The following SLC5A10 variants were observed in gnomAD, a reference collection of about 807,000 sequenced individuals.
SLC5A10 encodes solute carrier family 5 member 10, also known as sodium/mannose cotransporter SLC5A10.
Under a neutral mutation model 68.9 loss-of-function variants are expected in SLC5A10, and 55 were observed. That is an observed-to-expected ratio of 0.80 (90% CI 0.64 to 1.00). The LOEUF is 1.00. Among genes scored for constraint, SLC5A10 ranks in the 50% least tolerant of loss-of-function variants. SLC5A10 has a pLI of 0.00. For missense variants in SLC5A10, 732 were observed against 819.3 expected (o/e 0.89, Z 1.30); for synonymous variants, 344 against 344.8 (o/e 1.00, Z 0.02).
intron 8 of SLC5A10, among the ~76,000 whole-genome samples, chr17:18,972,090 G>T (rs1289744596): frequency 1.3e-5 from 2 of 152,142 alleles, no homozygotes; most frequent in Non-Finnish European, 2.9e-5. Context: ...GAGTGCAGGG[G>T]GTGACTCTGG....
chr17:18,971,565 G>A lies in SLC5A10; in HGVS notation c.846+347G>A, dbSNP rs946425106. 1 of 1,613,826 alleles carries A rather than the reference G, an allele frequency of 6.2e-7. No individual in the cohort carries two copies. Among genetic ancestry groups the A allele is most frequent in the Non-Finnish European group, 8.5e-7 (1 of 1,180,032 alleles). On this transcript the variant is annotated intron_variant, in intron 8 of 14. Coordinates refer to ENST00000395645, the MANE Select transcript of SLC5A10 (RefSeq NM_001042450.4). This position sits in a 1 kb window ranked among gnomAD's most constrained non-coding sequence, Gnocchi z 5.5. Reference sequence around the variant, plus strand: ...GCCAGTCTTGGGCTGCCGGGATCCGGAAGCAGGCGGGGTACCTGACCTCCC... The same window carrying A: ...GCCAGTCTTGGGCTGCCGGGATCCGAAAGCAGGCGGGGTACCTGACCTCCC...
At chr17:18,960,402 T>G in intron 4 of SLC5A10, 146 bp from the exon 5 acceptor site, 1 of 717,894 alleles carries the variant, frequency 1.4e-6, no homozygotes, top group South Asian at 1.7e-5. Flanking sequence ...GCTGGGGCTG[T>G]AAGGGGTCAG....
rs537460653 is a variant in SLC5A10, at chr17:19,008,277, AT to A, written c.983-5132del. ...TAGTTTTGTAGACAAGAATGATCCA[AT>A]GTGTATGATCAACTTTTACAGCCTA... is the stretch of plus-strand genomic sequence containing the variant. On this transcript the variant is annotated intron_variant, in intron 9 of 14. Coordinates refer to ENST00000395645, the MANE Select transcript of SLC5A10 (RefSeq NM_001042450.4). 1.8e-3 allele frequency among the ~76,000 whole-genome samples: 281 copies of A among 152,268 alleles called. 1 individual carries two copies. Among genetic ancestry groups the A allele is most frequent in the Admixed American group, 3.5e-3 (54 of 15,298 alleles).
intron 9 of SLC5A10, among the ~76,000 whole-genome samples, chr17:18,992,082 G>A (rs1271714140): frequency 6.6e-6 from 1 of 152,160 alleles, no homozygotes; most frequent in Admixed American, 6.5e-5. Context: ...CTCCCTGGGG[G>A]CTCCTGGTGC....
chr17:18,987,484 CAGA>C (rs1278307474), intron 9 of SLC5A10, among the ~76,000 whole-genome samples: 1 of 152,226 alleles, frequency 6.6e-6, no homozygotes, highest in Non-Finnish European at 1.5e-5. Flanking sequence ...CGATGGCTGG[CAGA>C]AGGAGGGCTC....
chr17:18,998,397 C>T (rs2043623467), intron 9 of SLC5A10, among the ~76,000 whole-genome samples: 1 of 152,256 alleles, frequency 6.6e-6, no homozygotes, highest in Non-Finnish European at 1.5e-5. Context: ...CCAGGACCCT[C>T]AGCTGCAGGG....
chr17:18,977,956 C>A lies in SLC5A10; in HGVS notation c.982+967C>A, dbSNP rs1297609919. 1.9e-6 allele frequency: 3 copies of A among 1,599,574 alleles called. No homozygotes were observed. In the East Asian group the frequency reaches 6.7e-5, roughly 36 times the overall value. ...CCCCATCCAGCCCATTGGGGAGCCC[C>A]ACCCCGAGGCTCTCGGGGTCATCCT... On this transcript the variant is annotated intron_variant, in intron 9 of 14. Transcript: ENST00000395645.
At position 18,976,849 on chromosome 17, in the gene SLC5A10, C is replaced by T; in HGVS notation, c.847-5C>T. On this transcript the variant is annotated splice_region_variant and splice_polypyrimidine_tract_variant and intron_variant, in intron 8 of 14. Coordinates refer to ENST00000395645, the MANE Select transcript of SLC5A10 (RefSeq NM_001042450.4). ...GACTCACCCCGTCTCGCACTCCACC[C>T]CCAGGTCATCGTGCAGCGATCACTG... is the stretch of plus-strand genomic sequence containing the variant. 1.2e-6 allele frequency: 2 copies of T among 1,613,198 alleles called. No homozygotes were observed. The highest frequency in any genetic ancestry group is 1.7e-6 in the Non-Finnish European group (2 of 1,179,998).
intron 9 of SLC5A10, among the ~76,000 whole-genome samples, chr17:18,981,093 G>A (rs1597855289): frequency 6.6e-6 from 1 of 152,348 alleles, no homozygotes; most frequent in East Asian, 1.9e-4. Flanking sequence ...CAGCTGCAGA[G>A]ATGCCTGTGA....
rs201298825 is a variant in SLC5A10 at position 18,971,008 on chromosome 17, T to A, written c.641-5T>A. The A allele has an allele frequency of 1.2e-6, 2 of 1,613,814 alleles. No homozygotes were observed. The highest frequency in any genetic ancestry group is 1.7e-6 in the Non-Finnish European group (2 of 1,179,988). Reference sequence around the variant, plus strand: ...ACTGTCCCTGTTCCACCCTGACCCCTCCAGCTTTTGACCAGATCGGTGGTT... The same window carrying A: ...ACTGTCCCTGTTCCACCCTGACCCCACCAGCTTTTGACCAGATCGGTGGTT... On this transcript the variant is annotated splice_region_variant and splice_polypyrimidine_tract_variant and intron_variant, in intron 7 of 14. Transcript: ENST00000395645. This position sits in a 1 kb window ranked among gnomAD's most constrained non-coding sequence, Gnocchi z 5.5.
At chr17:18,978,483 T>C in intron 9 of SLC5A10, 5 of 1,612,364 alleles carry the variant, frequency 3.1e-6, no homozygotes, top group Non-Finnish European at 2.5e-6. Flanking sequence ...CCTGGGTGGA[T>C]GGGTGGCAGC....
intron 1 of SLC5A10, among the ~76,000 whole-genome samples, chr17:18,952,675 G>A (rs1274596629): frequency 1.3e-5 from 2 of 152,138 alleles, no homozygotes; most frequent in African/African-American, 2.4e-5. Flanking sequence ...CAGGCTCCCC[G>A]GGATTCCCTG....
At chr17:19,006,322 C>T (rs977076220) in intron 9 of SLC5A10, among the ~76,000 whole-genome samples, 1 of 152,082 alleles carries the variant, frequency 6.6e-6, no homozygotes, top group Admixed American at 6.6e-5. Context: ...GCCTTGAACT[C>T]CTGGGCTCAA....
At chr17:18,953,132 T>C (rs1453167467) in intron 1 of SLC5A10, among the ~76,000 whole-genome samples, 2 of 136,004 alleles carry the variant, frequency 1.5e-5, no homozygotes, top group East Asian at 2.0e-4. Context: ...CCCCTTCTTT[T>C]TTTTTTTTTT....
At chr17:18,960,292 G>C (rs971368179) in intron 4 of SLC5A10, among the ~76,000 whole-genome samples, 2 of 152,044 alleles carry the variant, frequency 1.3e-5, no homozygotes, top group Non-Finnish European at 2.9e-5. Flanking sequence ...TCCATTCCTC[G>C]TCTCAGCCCT....
intron 1 of SLC5A10, among the ~76,000 whole-genome samples, chr17:18,955,083 A>T (rs2042466918): frequency 3.8e-5 from 2 of 53,302 alleles, no homozygotes; most frequent in Non-Finnish European, 9.2e-5. Flanking sequence ...GAAACACTGT[A>T]TCAAAAAAAA....
chr17:19,011,413 G>A (rs530573335), intron 9 of SLC5A10, among the ~76,000 whole-genome samples: 75 of 152,314 alleles, frequency 4.9e-4, no homozygotes, highest in African/African-American at 1.7e-3. Flanking sequence ...GGTCAGGGTG[G>A]CTCGTGCACG....
intron 9 of SLC5A10, among the ~76,000 whole-genome samples, chr17:18,981,959 C>T (rs185889127): frequency 2.6e-5 from 4 of 152,336 alleles, no homozygotes; most frequent in Non-Finnish European, 5.9e-5. Flanking sequence ...CCAGCTCCAC[C>T]GCCTCCTGCA....
At chr17:18,959,360 T>C in intron 3 of SLC5A10, 121 bp downstream of exon 3, 1 of 1,078,190 alleles carries the variant, frequency 9.3e-7, no homozygotes, top group Admixed American at 2.0e-5. Context: ...CTCTGTGCAG[T>C]GCTGTTCCTG....
Sources: allele counts gnomAD v4.1 joint callset (sites outside exome capture counted in the v4.1 genomes callset), GRCh38; gene constraint gnomAD v4.1.1; non-coding constraint Gnocchi (gnomAD v3.1); transcripts MANE v1.5; gene names NCBI Gene and HGNC (gene_info 2026-07-23, HGNC 2026-07-21).